The following CFAP36 variants were observed in gnomAD, a reference collection of about 807,000 sequenced individuals.
CFAP36 encodes the protein cilia- and flagella-associated protein 36.
CFAP36 carries 37 observed loss-of-function variants against 50.5 expected under a neutral mutation model. The ratio of observed to expected loss-of-function variants is 0.73; its 90% CI spans 0.56 to 0.96. The LOEUF is 0.96. Among genes scored for constraint, CFAP36 ranks in the 50% least tolerant of loss-of-function variants. CFAP36 has a pLI of 0.00. For missense variants in CFAP36, 407 were observed against 396.2 expected, an observed-to-expected ratio of 1.03 and a Z score of -0.23; for synonymous variants, 138 against 128.2, an observed-to-expected ratio of 1.08 and a Z score of -0.52.
At chr2:55,527,021 C>G (rs904555943) in intron 3 of CFAP36, among the ~76,000 whole-genome samples, 2 of 151,932 alleles carry the variant, frequency 1.3e-5, no homozygotes, top group Non-Finnish European at 2.9e-5. Context: ...GAGTGAGACC[C>G]TGTCTCTAAA....
rs752767301 is a variant in CFAP36 at position 55,533,915 on chromosome 2, G to C, written c.440G>C (p.Ser147Thr). 1.9e-6 allele frequency: 3 copies of C among 1,611,724 alleles called. No individual in the cohort carries two copies. Among genetic ancestry groups the C allele is most frequent in the Non-Finnish European group, 2.5e-6 (3 of 1,178,734 alleles). The change falls in exon 5 of 10, where the codon AGT becomes ACT. Residue 147 changes from serine (S) to threonine (T), a missense_variant. Ser to Thr is a moderately conservative substitution (Grantham distance 58). Coordinates refer to ENST00000349456, the MANE Select transcript of CFAP36 (RefSeq NM_080667.7). Reference protein sequence around the residue: ...DCLTDGSDVVSDLEHEEMKIL... With the variant: ...DCLTDGSDVVTDLEHEEMKIL... Reference sequence around the variant, plus strand: ...TTAACCGATGGCTCTGATGTGGTCAGTGACCTTGAACACGAAGAGATGAAA... The same window carrying C: ...TTAACCGATGGCTCTGATGTGGTCACTGACCTTGAACACGAAGAGATGAAA...
intron 3 of CFAP36, among the ~76,000 whole-genome samples, chr2:55,528,321 G>A (rs1684262528): frequency 1.3e-5 from 2 of 151,482 alleles, no homozygotes; most frequent in Non-Finnish European, 2.9e-5. Context: ...ACTAAATTAA[G>A]CTACTCCAGC....
rs1558916577 is a variant in CFAP36 at position 55,544,027 on chromosome 2, C to CT, written c.731dup (p.Lys245GlufsTer11). The CT allele has an allele frequency of 1.9e-6, 3 of 1,613,916 alleles. No individual in the cohort carries two copies. In the Admixed American group the frequency reaches 5.0e-5, roughly 27 times the overall value. On this transcript the variant is annotated frameshift_variant, in exon 8 of 10. Transcript: ENST00000349456. LOFTEE classifies it high-confidence loss of function. ...AACTTCCTCCCTCCCACAAAAAGAC[C>CT]TGAAGATTCCTGGCTTAGAGCATGC...
At position 55,545,036 on chromosome 2, in the gene CFAP36, A is replaced by C; in HGVS notation, c.*28A>C. 1 of 1,315,458 alleles carries C rather than the reference A, an allele frequency of 7.6e-7. No homozygotes were observed. The highest frequency in any genetic ancestry group is 1.1e-6 in the Non-Finnish European group (1 of 945,018). The allele number at this position is 1,315,458 out of a possible 1,614,324, so 81.5% of individuals were successfully genotyped here. ...ATTAAGAACAATTTAACAAAATGGA[A>C]GTTCAAATTGTCTTAAAAATAAATT... On this transcript the variant is annotated 3_prime_UTR_variant, in exon 10 of 10. Transcript: ENST00000349456.
At chr2:55,530,979 T>TC (rs1370788935) in intron 4 of CFAP36, 1 of 151,732 alleles carries the variant, frequency 6.6e-6, no homozygotes, top group East Asian at 1.9e-4. Context: ...TACTGGGGAG[T>TC]TTCCTCCTCA....
In CFAP36 at chr2:55,532,453, ATTC is replaced by A. The variant is rs555097163; in HGVS notation, c.398-1417_398-1415del. On this transcript the variant is annotated intron_variant, in intron 4 of 9. Coordinates refer to ENST00000349456, the MANE Select transcript of CFAP36 (RefSeq NM_080667.7). ...TTTAAGTACTTCATACTGTTGTGTT[ATTC>A]TTAGTACTTTCAGTTTTCCTCAGGA... Among the ~76,000 whole-genome samples, 307 of 152,264 alleles carry A rather than the reference ATTC, an allele frequency of 2.0e-3. 1 individual carries two copies. The highest frequency in any genetic ancestry group is 3.7e-3 in the Non-Finnish European group (255 of 68,010).
chr2:55,521,477 T>G (rs142160909), intron 1 of CFAP36, among the ~76,000 whole-genome samples: 1 of 152,132 alleles, frequency 6.6e-6, no homozygotes, highest in South Asian at 2.1e-4. Context: ...TTAAAAGTTA[T>G]GAAGAAATTA....
intron 7 of CFAP36, 149 bp downstream of exon 7, chr2:55,537,734 G>A (rs1684529683): frequency 5.0e-6 from 3 of 596,898 alleles, no homozygotes; most frequent in Non-Finnish European, 8.7e-6. Flanking sequence ...TGTGAATTTG[G>A]TTAAAGAGGT....
At position 55,519,721 on chromosome 2, in the gene CFAP36, T is replaced by G. The variant is rs1480142017; in HGVS notation, c.-81T>G. On this transcript the variant is annotated 5_prime_UTR_variant, in exon 1 of 10. Transcript: ENST00000349456. ...GGGCCAGCTCTTCCCCTACTCCCTC[T>G]CGGCTCCTTGTGGCCCAAAGGCCTA... is the stretch of plus-strand genomic sequence containing the variant. The G allele has an allele frequency of 7.2e-7, 1 of 1,397,892 alleles. No homozygotes were observed. Among genetic ancestry groups the G allele is most frequent in the African/African-American group, 1.4e-5 (1 of 70,616 alleles). The allele number at this position is 1,397,892 out of a possible 1,614,324, so 86.6% of individuals were successfully genotyped here.
intron 3 of CFAP36, among the ~76,000 whole-genome samples, chr2:55,524,459 G>C (rs1684150921): frequency 7.3e-6 from 1 of 136,332 alleles, no homozygotes; most frequent in Non-Finnish European, 1.5e-5. Flanking sequence ...TAGAGACAGG[G>C]TCTTGCTGTG....
chr2:55,531,822 G>A (rs1558910755), intron 4 of CFAP36, among the ~76,000 whole-genome samples: 1 of 152,126 alleles, frequency 6.6e-6, no homozygotes. Flanking sequence ...GAACCAATTA[G>A]GAGTCACTCT....
intron 7 of CFAP36, among the ~76,000 whole-genome samples, chr2:55,542,175 C>T (rs1684654524): frequency 6.6e-6 from 1 of 152,298 alleles, no homozygotes; most frequent in African/African-American, 2.4e-5. Flanking sequence ...TTGTGTCTAA[C>T]ATAAATTGAA....
intron 4 of CFAP36, among the ~76,000 whole-genome samples, chr2:55,533,251 A>C (rs879314492): frequency 6.6e-6 from 1 of 152,254 alleles, no homozygotes; most frequent in Non-Finnish European, 1.5e-5. Flanking sequence ...CTTAGACACT[A>C]TATGATTATG....
rs1429813139 is a variant in CFAP36 at position 55,529,280 on chromosome 2, G to T, written c.397+288G>T. 2.6e-5 allele frequency among the ~76,000 whole-genome samples: 4 copies of T among 152,118 alleles called. No homozygotes were observed. The East Asian group carries it at 7.8e-4, about 30-fold the overall frequency. The stretch of plus-strand genomic sequence containing the variant: ...ACTAAAAATACAAAAAAATTAGCTG[G>T]GCGTGGTGGCGGGCACCTGTAGTCC... On this transcript the variant is annotated intron_variant, in intron 4 of 9. Coordinates refer to ENST00000349456, the MANE Select transcript of CFAP36 (RefSeq NM_080667.7).
chr2:55,530,337 T>G (rs1421438703), intron 4 of CFAP36, among the ~76,000 whole-genome samples: 3 of 152,194 alleles, frequency 2.0e-5, no homozygotes, highest in African/African-American at 7.2e-5. Flanking sequence ...ACCTCTTTCC[T>G]GTGTAAATTG....
At chr2:55,527,967 T>G (rs1684253317) in intron 3 of CFAP36, among the ~76,000 whole-genome samples, 2 of 151,826 alleles carry the variant, frequency 1.3e-5, no homozygotes. Context: ...CTCAGGAGTT[T>G]GAGACAAGCC....
chr2:55,543,213 T>G (rs575297392), intron 7 of CFAP36, among the ~76,000 whole-genome samples: 1 of 152,300 alleles, frequency 6.6e-6, no homozygotes, highest in South Asian at 2.1e-4. Flanking sequence ...TCATAGCCCA[T>G]GTATTTACAC....
At position 55,523,729 on chromosome 2, in the gene CFAP36, G is replaced by A. The variant is rs1423838057; in HGVS notation, c.189G>A (p.Lys63=). 3 of 1,591,214 alleles carry A rather than the reference G, an allele frequency of 1.9e-6. No individual in the cohort carries two copies. The highest frequency in any genetic ancestry group is 2.7e-5 in the African/African-American group (2 of 74,268). ...IHQEYKELVE[K]LLEGYLKEIG... ...AAACTTTGTTTTTTTAGGTTGAAAAGCTGTTAGAAGGTTACCTCAAAGAAA... is the reference window on the plus strand; with the variant it reads ...AAACTTTGTTTTTTTAGGTTGAAAAACTGTTAGAAGGTTACCTCAAAGAAA... Residue 63 remains lysine (K), a synonymous_variant, in exon 3 of 10, where the codon AAG becomes AAA. Transcript: ENST00000349456.
At chr2:55,522,392 G>A (rs1684093466) in intron 2 of CFAP36, among the ~76,000 whole-genome samples, 1 of 152,142 alleles carries the variant, frequency 6.6e-6, no homozygotes. Context: ...CTCTTTATGG[G>A]TTCTTGCATG....
Sources: gnomAD v4.1 joint callset for allele counts (sites outside exome capture counted in the v4.1 genomes callset) on GRCh38, gnomAD v4.1.1 for gene constraint, MANE v1.5 for transcripts, NCBI Gene and HGNC (gene_info 2026-07-23, HGNC 2026-07-21) for gene names.